Variants in ANK2 observed in about 807,000 individuals in gnomAD.
ANK2 encodes ankyrin-2.
ANK2 carries 83 observed loss-of-function variants against 360.5 expected under a neutral mutation model. The ratio of observed to expected loss-of-function variants is 0.23; its 90% CI spans 0.19 to 0.28. The LOEUF (loss-of-function observed/expected upper bound fraction) is 0.28. Among genes scored for constraint, ANK2 ranks in the 10% least tolerant of loss-of-function variants. ANK2 has a pLI of 1.00. For missense variants in ANK2, 4,201 were observed against 4,795.7 expected (o/e 0.88, Z 3.66); for synonymous variants, 1,740 against 1,759.5 (o/e 0.99, Z 0.28).
chr4:113,375,783 C>T (rs2154079513), intron 45 of ANK2, among the ~76,000 whole-genome samples: 1 of 151,280 alleles, frequency 6.6e-6, no homozygotes, highest in South Asian at 2.1e-4. Flanking sequence ...GATCCACAAA[C>T]TCTTACTAAA....
intron 1 of ANK2, among the ~76,000 whole-genome samples, chr4:113,081,308 C>T (rs2082315444): frequency 6.6e-6 from 1 of 152,064 alleles, no homozygotes; most frequent in African/African-American, 2.4e-5. Context: ...AAAGGAGTAC[C>T]TCTAAATCAT....
chr4:112,855,248 C>G (rs2066066137), intron 1 of ANK2, among the ~76,000 whole-genome samples: 1 of 152,190 alleles, frequency 6.6e-6, no homozygotes, highest in Non-Finnish European at 1.5e-5. Flanking sequence ...ACTGCTGGCC[C>G]AGAGCTGTGT....
intron 1 of ANK2, among the ~76,000 whole-genome samples, chr4:112,846,319 C>G (rs2063292544): frequency 6.6e-6 from 1 of 152,024 alleles, no homozygotes; most frequent in African/African-American, 2.4e-5. Context: ...GCTACGTTGC[C>G]CAGGCTGGCC....
chr4:113,333,736 A>T (rs2153947804), intron 29 of ANK2, among the ~76,000 whole-genome samples: 1 of 152,342 alleles, frequency 6.6e-6, no homozygotes, highest in African/African-American at 2.4e-5. Flanking sequence ...AGGAAAATTA[A>T]GTTCATTCAA....
At chr4:113,115,760 C>T (rs1404471554) in intron 1 of ANK2, among the ~76,000 whole-genome samples, 1 of 152,062 alleles carries the variant, frequency 6.6e-6, no homozygotes, top group African/African-American at 2.4e-5. Context: ...GCAGATATGT[C>T]ATAAGGGTTA....
At chr4:113,008,553 T>C (rs1210771793) in intron 2 of ANK2, among the ~76,000 whole-genome samples, 1 of 152,148 alleles carries the variant, frequency 6.6e-6, no homozygotes, top group Non-Finnish European at 1.5e-5. Context: ...TAACTTATGT[T>C]TGGTGCAAAG....
chr4:113,171,385 T>C (rs1335462378), intron 1 of ANK2, among the ~76,000 whole-genome samples: 2 of 152,214 alleles, frequency 1.3e-5, no homozygotes, highest in East Asian at 3.8e-4. Flanking sequence ...GAAGAATATG[T>C]ATTTCTATGC....
chr4:113,053,276 CTTGT>C (rs1434518368), intron 1 of ANK2, among the ~76,000 whole-genome samples: 1 of 152,120 alleles, frequency 6.6e-6, no homozygotes, highest in African/African-American at 2.4e-5. Context: ...GAGAGAAAGA[CTTGT>C]TTATTATTGG....
At chr4:112,761,745 A>C in the ANK2 span, among the ~76,000 whole-genome samples, 4 of 152,188 alleles carry the variant, frequency 2.6e-5, no homozygotes, top group Non-Finnish European at 5.9e-5. Context: ...ATCTTCCTCT[A>C]CTATACTTCT....
chr4:113,113,195 T>TC (rs1200389502), intron 1 of ANK2, among the ~76,000 whole-genome samples: 130 of 119,740 alleles, frequency 1.1e-3, no homozygotes, highest in Non-Finnish European at 1.5e-3. Flanking sequence ...TTTTTTTTTT[T>TC]TCCCTGATTA....
At chr4:112,769,571 A>T in the ANK2 span, among the ~76,000 whole-genome samples, 1 of 152,164 alleles carries the variant, frequency 6.6e-6, no homozygotes, top group African/African-American at 2.4e-5. Flanking sequence ...ATCAGTGCCC[A>T]TCAATGCTGC....
the ANK2 span, among the ~76,000 whole-genome samples, chr4:112,734,246 C>T: frequency 6.6e-6 from 1 of 152,284 alleles, no homozygotes; most frequent in African/African-American, 2.4e-5. Flanking sequence ...ACAGTCTCTC[C>T]TTAAGAGAAC....
chr4:112,978,101 G>A (rs1338327925), intron 2 of ANK2, among the ~76,000 whole-genome samples: 1 of 151,976 alleles, frequency 6.6e-6, no homozygotes, highest in Non-Finnish European at 1.5e-5. Flanking sequence ...AAAATTAGCC[G>A]GGTATGGTGG....
At position 113,278,062 on chromosome 4, in the gene ANK2, C is replaced by G. The variant is rs545028364; in HGVS notation, c.1782+127C>G. The G allele has an allele frequency of 2.8e-5, 26 of 929,766 alleles. No individual in the cohort carries two copies. In the South Asian group the frequency reaches 3.5e-4, roughly 13 times the overall value. 57.6% of individuals were successfully genotyped at this position (929,766 alleles called of 1,614,324 possible). ...AACTGATGAAACTATCCCAAATAGA[C>G]ATGGTGGCGATGTCTTCCATGACCG... On this transcript the variant is annotated intron_variant, in intron 16 of 45. Transcript: ENST00000357077.
the ANK2 span, among the ~76,000 whole-genome samples, chr4:112,773,913 G>T: frequency 6.6e-6 from 1 of 152,196 alleles, no homozygotes; most frequent in African/African-American, 2.4e-5. Context: ...TGATTCTCCT[G>T]CCTCAGACTC....
At chr4:113,205,940 A>G (rs187529394) in intron 4 of ANK2, among the ~76,000 whole-genome samples, 126 of 152,288 alleles carry the variant, frequency 8.3e-4, no homozygotes, top group African/African-American at 2.9e-3. Flanking sequence ...ACACACACAT[A>G]CATGGATGCA....
At chr4:112,735,116 GGC>G in the ANK2 span, among the ~76,000 whole-genome samples, 16 of 152,168 alleles carry the variant, frequency 1.1e-4, no homozygotes, top group African/African-American at 3.9e-4. Context: ...CAAGTGAGGT[GGC>G]TCATGCCTAT....
chr4:113,343,099 G>T lies in ANK2; in HGVS notation c.4205G>T (p.Ser1402Ile), dbSNP rs2094469874. The change falls in exon 34 of 46, where the codon AGT (serine) becomes ATT (isoleucine). Residue 1402 changes from serine (S) to isoleucine (I), a missense_variant. Transcript: ENST00000357077. Reference sequence around the variant, plus strand: ...AAAAGTGGCCAGCATCATATATTCAGTTTTTTTGCCTTCAAAGAAAATAGA... The same window carrying T: ...AAAAGTGGCCAGCATCATATATTCATTTTTTTTGCCTTCAAAGAAAATAGA... ...LTKSGQHHIF[S>I]FFAFKENRLP... 1 of 1,613,366 alleles carries T rather than the reference G, an allele frequency of 6.2e-7. No individual in the cohort carries two copies. The highest frequency in any genetic ancestry group is 1.3e-5 in the African/African-American group (1 of 74,848).
At chr4:113,341,571 A>T in intron 32 of ANK2, 117 bp from the exon 33 acceptor site, 1 of 1,026,742 alleles carries the variant, frequency 9.7e-7, no homozygotes, top group Non-Finnish European at 1.5e-6. Context: ...TCCCTCTCTC[A>T]CTTCCTTTTT....
Sources: gnomAD v4.1 joint callset for allele counts (sites outside exome capture counted in the v4.1 genomes callset) on GRCh38, gnomAD v4.1.1 for gene constraint, MANE v1.5 for transcripts, NCBI Gene and HGNC (gene_info 2026-07-23, HGNC 2026-07-21) for gene names.